Variants in LARS2 observed in about 807,000 individuals in gnomAD.
The protein encoded by LARS2 is leucyl-tRNA synthetase 2, mitochondrial, also known as leucine--tRNA ligase, mitochondrial.
Under a neutral mutation model 116.6 loss-of-function variants are expected in LARS2, and 81 were observed. The ratio of observed to expected loss-of-function variants is 0.69; its 90% CI spans 0.58 to 0.84. The LOEUF is 0.84. Among genes scored for constraint, LARS2 ranks in the 40% least tolerant of loss-of-function variants. The probability of loss-of-function intolerance (pLI) is 0.00; values close to 1 mark genes in which losing one functional copy is unlikely to be tolerated. For synonymous variants in LARS2, 396 were observed against 407.2 expected (o/e 0.97, Z 0.33); for missense variants, 968 against 1,114.5 (o/e 0.87, Z 1.87).
chr3:45,547,246 T>C, intron 21 of LARS2, 105 bp from the exon 22 acceptor site: 1 of 1,063,290 alleles, frequency 9.4e-7, no homozygotes, highest in Non-Finnish European at 1.4e-6. Context: ...TCCTTTCCCC[T>C]AAACAAATGC....
intron 16 of LARS2, among the ~76,000 whole-genome samples, chr3:45,514,035 G>A (rs374352407): frequency 3.4e-4 from 51 of 152,136 alleles, no homozygotes; most frequent in African/African-American, 1.2e-3. Flanking sequence ...GTGAAACCCC[G>A]TCTCTACTAA....
intron 6 of LARS2, among the ~76,000 whole-genome samples, chr3:45,442,731 C>T (rs941835675): frequency 1.3e-5 from 2 of 152,130 alleles, no homozygotes; most frequent in African/African-American, 2.4e-5. Flanking sequence ...GGGCTACCCC[C>T]GATGGAGAAG....
intron 4 of LARS2, among the ~76,000 whole-genome samples, chr3:45,405,841 G>C (rs1328393072): frequency 6.6e-6 from 1 of 152,216 alleles, no homozygotes; most frequent in Non-Finnish European, 1.5e-5. Flanking sequence ...TCTTACCTCA[G>C]TGAGTGCCTC....
intron 8 of LARS2, among the ~76,000 whole-genome samples, chr3:45,460,963 G>A (rs1234835529): frequency 1.3e-5 from 2 of 152,134 alleles, no homozygotes; most frequent in African/African-American, 2.4e-5. Context: ...GACTCCCAAC[G>A]TTGTATCTGC....
At chr3:45,432,217 C>G (rs1234240217) in intron 6 of LARS2, among the ~76,000 whole-genome samples, 1 of 152,070 alleles carries the variant, frequency 6.6e-6, no homozygotes, top group Non-Finnish European at 1.5e-5. Context: ...TAGTTGGAGA[C>G]TTTTGTACCC....
At chr3:45,436,546 G>A (rs558032575) in intron 6 of LARS2, among the ~76,000 whole-genome samples, 109 of 152,172 alleles carry the variant, frequency 7.2e-4, no homozygotes, top group Non-Finnish European at 1.3e-3. Flanking sequence ...TGTAATCCCA[G>A]CACTTTGGGA....
At chr3:45,542,266 C>T (rs1321604821) in intron 21 of LARS2, among the ~76,000 whole-genome samples, 1 of 152,110 alleles carries the variant, frequency 6.6e-6, no homozygotes, top group African/African-American at 2.4e-5. Flanking sequence ...AACTGTGGAC[C>T]GTGTTTCAGT....
At chr3:45,433,514 C>T (rs1216627687) in intron 6 of LARS2, among the ~76,000 whole-genome samples, 1 of 151,920 alleles carries the variant, frequency 6.6e-6, no homozygotes, top group Non-Finnish European at 1.5e-5. Flanking sequence ...GCCTTACTTC[C>T]CTTTGCATGA....
intron 20 of LARS2, among the ~76,000 whole-genome samples, chr3:45,535,628 G>A (rs1193188364): frequency 6.6e-6 from 1 of 152,146 alleles, no homozygotes; most frequent in African/African-American, 2.4e-5. Flanking sequence ...GTTAGGAGTT[G>A]TGGGTGGTGG....
chr3:45,415,848 A>C (rs1477438417), intron 4 of LARS2, among the ~76,000 whole-genome samples: 1 of 39,742 alleles, frequency 2.5e-5, no homozygotes. Context: ...ACTCCATCTC[A>C]AAAAAAAAAA....
intron 15 of LARS2, among the ~76,000 whole-genome samples, chr3:45,509,162 A>T (rs1700244058): frequency 6.6e-6 from 1 of 151,468 alleles, no homozygotes; most frequent in Admixed American, 6.6e-5. Context: ...CCTGCCTAAT[A>T]CTCCCGCGTT....
chr3:45,531,734 T>C (rs1700619085), intron 20 of LARS2, among the ~76,000 whole-genome samples: 2 of 152,210 alleles, frequency 1.3e-5, no homozygotes, highest in Non-Finnish European at 2.9e-5. Context: ...ATATTTATGG[T>C]GTACAATGTG....
intron 10 of LARS2, among the ~76,000 whole-genome samples, chr3:45,480,852 A>T (rs992399983): frequency 5.3e-5 from 8 of 152,232 alleles, no homozygotes; most frequent in African/African-American, 1.9e-4. Flanking sequence ...CAACTCTTTC[A>T]AGCAGTACAC....
Position 45,411,655 on chromosome 3 carries a change from A to T in LARS2, c.364-5827A>T, listed in dbSNP as rs143125495. Among the ~76,000 whole-genome samples, 1,349 of 152,310 alleles carry T rather than the reference A, an allele frequency of 8.9e-3. 29 individuals carry two copies. The highest frequency in any genetic ancestry group is 0.05 in the Admixed American group (767 of 15,282). ...AAAAAGGTCATAAAATAATGTATAT[A>T]ATCATTTCTATTTTCTTTCTCTTTT... is the stretch of plus-strand genomic sequence containing the variant. On this transcript the variant is annotated intron_variant, in intron 4 of 21. Coordinates refer to ENST00000645846, the MANE Select transcript of LARS2 (RefSeq NM_015340.4).
At chr3:45,451,510 T>G (rs1379512087) in intron 7 of LARS2, among the ~76,000 whole-genome samples, 1 of 152,196 alleles carries the variant, frequency 6.6e-6, no homozygotes, top group Non-Finnish European at 1.5e-5. Context: ...ATGAGTTGAC[T>G]GTAAGTGCAT....
Position 45,474,271 on chromosome 3 carries a change from C to G in LARS2, c.779C>G (p.Pro260Arg). Residue 260 changes from proline (P) to arginine (R), a missense_variant, in exon 9 of 22, where the codon CCA becomes CGA. By Grantham distance (103) the Pro-to-Arg change is moderately radical. Transcript: ENST00000645846. ...ATGCAGGACGCGTTGGCAGACCTTC[C>G]AGAATGGTATGGAATAAAAGGCATG... is the stretch of plus-strand genomic sequence containing the variant. ...KAMQDALADL[P>R]EWYGIKGMQA... 6.2e-7 allele frequency: 1 copy of G among 1,610,992 alleles called. No individual in the cohort carries two copies. Among genetic ancestry groups the G allele is most frequent in the Non-Finnish European group, 8.5e-7 (1 of 1,177,692 alleles).
chr3:45,439,210 C>CTT (rs575140221), intron 6 of LARS2, among the ~76,000 whole-genome samples: 2,582 of 62,444 alleles, frequency 0.041, 698 homozygotes, highest in East Asian at 0.11. Context: ...GAAACTCTGG[C>CTT]TTTTTTTTTT....
At chr3:45,447,560 A>G (rs1328173742) in intron 7 of LARS2, among the ~76,000 whole-genome samples, 1 of 152,122 alleles carries the variant, frequency 6.6e-6, no homozygotes. Flanking sequence ...TCATACGGTC[A>G]CTTGCTGTTC....
At chr3:45,423,814 G>A (rs1020190652) in intron 6 of LARS2, among the ~76,000 whole-genome samples, 7 of 152,086 alleles carry the variant, frequency 4.6e-5, no homozygotes, top group African/African-American at 1.7e-4. Context: ...GGTGTCACAG[G>A]TTACTTTCAT....
Sources: gnomAD v4.1 joint callset for allele counts (sites outside exome capture counted in the v4.1 genomes callset) on GRCh38, gnomAD v4.1.1 for gene constraint, MANE v1.5 for transcripts, NCBI Gene and HGNC (gene_info 2026-07-23, HGNC 2026-07-21) for gene names.